Variants in ARHGAP29 observed in about 807,000 individuals in gnomAD.
The protein encoded by ARHGAP29 is Rho GTPase activating protein 29.
ARHGAP29 carries 43 observed loss-of-function variants against 122.6 expected under a neutral mutation model. The observed-to-expected ratio is 0.35, with a 90% CI of 0.27 to 0.45. ARHGAP29 has a LOEUF of 0.45. Ranked by LOEUF, ARHGAP29 falls within the 20% of genes least tolerant of loss-of-function variation. The probability of loss-of-function intolerance (pLI) is 1.00; values close to 1 mark genes in which losing one functional copy is unlikely to be tolerated. For missense variants in ARHGAP29, 1,303 were observed against 1,477.2 expected (o/e 0.88, Z 1.93); for synonymous variants, 506 against 497.1 (o/e 1.02, Z -0.24).
the ARHGAP29 span, among the ~76,000 whole-genome samples, chr1:94,310,485 A>G: frequency 6.6e-6 from 1 of 152,200 alleles, no homozygotes; most frequent in Non-Finnish European, 1.5e-5. Flanking sequence ...CCCTATGAGG[A>G]CCACTAAAGG....
intron 11 of ARHGAP29, 165 bp from the exon 12 acceptor site, chr1:94,202,022 G>A: frequency 3.2e-6 from 2 of 631,190 alleles, no homozygotes; most frequent in Non-Finnish European, 5.2e-6. Context: ...AAAGGCAGTT[G>A]ATTTTAATGG....
intron 1 of ARHGAP29, among the ~76,000 whole-genome samples, chr1:94,269,680 A>C (rs924094367): frequency 2.0e-5 from 3 of 152,336 alleles, no homozygotes; most frequent in African/African-American, 7.2e-5. Flanking sequence ...ATAATAATGC[A>C]ATAGATTCAT....
chr1:94,253,802 C>T (rs2100700744), intron 1 of ARHGAP29, among the ~76,000 whole-genome samples: 1 of 152,302 alleles, frequency 6.6e-6, no homozygotes, highest in Non-Finnish European at 1.5e-5. Context: ...CTCTGAGAAA[C>T]AATGCTACTA....
upstream of ARHGAP29, chr1:94,237,720 G>C (rs901838367): frequency 1.2e-5 from 12 of 985,226 alleles, no homozygotes; most frequent in Non-Finnish European, 1.4e-5. Context: ...GAGGCAACTA[G>C]CTCGCGCGCA....
chr1:94,238,703 G>T (rs1653452733), upstream of ARHGAP29, among the ~76,000 whole-genome samples: 1 of 151,948 alleles, frequency 6.6e-6, no homozygotes. Flanking sequence ...GAAAAGGGAA[G>T]AAAACCAAGG....
chr1:94,306,406 C>A, the ARHGAP29 span, among the ~76,000 whole-genome samples: 1 of 152,222 alleles, frequency 6.6e-6, no homozygotes, highest in South Asian at 2.1e-4. Flanking sequence ...TAGTTCTTAA[C>A]TTTACTTGCC....
chr1:94,300,534 A>G, the ARHGAP29 span, among the ~76,000 whole-genome samples: 4 of 152,034 alleles, frequency 2.6e-5, no homozygotes, highest in Admixed American at 6.6e-5. Context: ...TCCCTTAATC[A>G]TCCTACTCTC....
upstream of ARHGAP29, among the ~76,000 whole-genome samples, chr1:94,241,474 G>A (rs11165100): frequency 0.98 from 147,901 of 151,568 alleles, 72,281 homozygotes; most frequent in Middle Eastern, 1. Flanking sequence ...AAAATTAGCC[G>A]GGCGTGGTGG....
chr1:94,195,112 T>C (rs1447003309), intron 12 of ARHGAP29: 1 of 152,236 alleles, frequency 6.6e-6, no homozygotes, highest in Non-Finnish European at 1.5e-5. Flanking sequence ...AGGAGTGGTT[T>C]GTAACTGCTA....
the ARHGAP29 span, among the ~76,000 whole-genome samples, chr1:94,282,297 T>TTATA: frequency 1.7e-3 from 233 of 140,956 alleles, 7 homozygotes; most frequent in African/African-American, 6.0e-3. Context: ...ATTTATTTAT[T>TTATA]TATTTTTGAG....
At chr1:94,220,472 T>G in intron 2 of ARHGAP29, 80 bp from the exon 3 acceptor site, 1 of 1,282,804 alleles carries the variant, frequency 7.8e-7, no homozygotes, top group Non-Finnish European at 1.1e-6. Flanking sequence ...CTGAAGCACA[T>G]TTCAAGTAGA....
At chr1:94,196,267 T>TC (rs1453565136) in intron 12 of ARHGAP29, among the ~76,000 whole-genome samples, 1 of 139,344 alleles carries the variant, frequency 7.2e-6, no homozygotes, top group Non-Finnish European at 1.6e-5. Flanking sequence ...TTTTTTTTTT[T>TC]TTTTTTTTTT....
At chr1:94,231,051 A>C (rs1204875832) in intron 2 of ARHGAP29, among the ~76,000 whole-genome samples, 2 of 152,034 alleles carry the variant, frequency 1.3e-5, no homozygotes, top group Non-Finnish European at 2.9e-5. Context: ...TGTAAATTAT[A>C]AACATTAGTC....
chr1:94,188,813 T>C, intron 15 of ARHGAP29, 24 bp downstream of exon 15: 1 of 1,578,692 alleles, frequency 6.3e-7, no homozygotes, highest in Non-Finnish European at 8.6e-7. Flanking sequence ...GAGTTTTCAT[T>C]GCCAGACTTA....
At position 94,174,189 on chromosome 1, in the gene ARHGAP29, T is replaced by C; in HGVS notation, c.3466A>G (p.Arg1156Gly). Residue 1156 changes from arginine (R) to glycine (G), a missense_variant, in exon 23 of 23, where the codon AGA becomes GGA. By Grantham distance (125) the Arg-to-Gly change is moderately radical. Coordinates refer to ENST00000260526, the MANE Select transcript of ARHGAP29 (RefSeq NM_004815.4). The stretch of plus-strand genomic sequence containing the variant: ...GTCCAATGTTGAGGCTGCAGTGTTC[T>C]GGGTGCTCTGACAGGAGCGAGAGGG... The part of the protein sequence containing the change: ...SYPLAPVRAP[R>G]TLQPQHWTTF... 1 of 1,614,216 alleles carries C rather than the reference T, an allele frequency of 6.2e-7. No homozygotes were observed. The highest frequency in any genetic ancestry group is 8.5e-7 in the Non-Finnish European group (1 of 1,180,044).
chr1:94,267,951 A>G (rs1035914282), intron 1 of ARHGAP29, among the ~76,000 whole-genome samples: 10 of 152,202 alleles, frequency 6.6e-5, no homozygotes, highest in African/African-American at 2.2e-4. Context: ...TGAAATAACT[A>G]CATTTTTTTG....
At chr1:94,260,046 A>C (rs1654498762) in intron 1 of ARHGAP29, among the ~76,000 whole-genome samples, 2 of 152,212 alleles carry the variant, frequency 1.3e-5, no homozygotes, top group South Asian at 4.1e-4. Context: ...AAAATGGCTT[A>C]GTTCTGATCT....
rs1393151629 is a variant in ARHGAP29, at chr1:94,180,027, G to C, written c.2248-70C>G. 30 of 1,023,934 alleles carry C rather than the reference G, an allele frequency of 2.9e-5. No individual in the cohort carries two copies. In the East Asian group the frequency reaches 6.4e-4, roughly 22 times the overall value. The allele number at this position is 1,023,934 out of a possible 1,614,324, so 63.4% of individuals were successfully genotyped here. ...TGTTAATAATCAACTATTACTAACA[G>C]TTACAGAGTGATTTAGCATGTCCCT... On this transcript the variant is annotated intron_variant, in intron 19 of 22. Coordinates refer to ENST00000260526, the MANE Select transcript of ARHGAP29 (RefSeq NM_004815.4).
chr1:94,184,554 G>A (rs1053903453), intron 18 of ARHGAP29, among the ~76,000 whole-genome samples: 1 of 152,062 alleles, frequency 6.6e-6, no homozygotes, highest in African/African-American at 2.4e-5. Context: ...GACCAGCCTG[G>A]GCAACATAAG....
Sources: allele counts gnomAD v4.1 joint callset (sites outside exome capture counted in the v4.1 genomes callset), GRCh38; gene constraint gnomAD v4.1.1; transcripts MANE v1.5; gene names NCBI Gene and HGNC (gene_info 2026-07-23, HGNC 2026-07-21).